The following VAC14 variants were observed in gnomAD, a reference collection of about 807,000 sequenced individuals.
VAC14 encodes protein VAC14 homolog.
VAC14 carries 47 observed loss-of-function variants against 85.3 expected under a neutral mutation model. That is an observed-to-expected ratio of 0.55 (90% CI 0.44 to 0.70). The LOEUF is 0.70. Among genes scored for constraint, VAC14 ranks in the 30% least tolerant of loss-of-function variants. The pLI is 0.00. For missense variants in VAC14, 861 were observed against 1,004.3 expected, an observed-to-expected ratio of 0.86 and a Z score of 1.93; for synonymous variants, 447 against 430.5, an observed-to-expected ratio of 1.04 and a Z score of -0.47.
intron 14 of VAC14, among the ~76,000 whole-genome samples, chr16:70,709,278 C>A (rs1460569081): frequency 6.6e-6 from 1 of 152,148 alleles, no homozygotes; most frequent in African/African-American, 2.4e-5. Flanking sequence ...GCCCACCCAC[C>A]CCTTTGTCCC....
intron 14 of VAC14, chr16:70,716,674 T>G (rs1157838905): frequency 1.3e-5 from 2 of 152,202 alleles, no homozygotes; most frequent in Non-Finnish European, 2.9e-5. Context: ...GTCACATGTA[T>G]GGAGACAGGG....
At chr16:70,734,438 T>C (rs1247548453) in intron 13 of VAC14, among the ~76,000 whole-genome samples, 1 of 152,212 alleles carries the variant, frequency 6.6e-6, no homozygotes, top group Non-Finnish European at 1.5e-5. Context: ...CAGCCTCTTT[T>C]TATTAAAAAA....
chr16:70,726,625 G>C (rs1001383073), intron 14 of VAC14, among the ~76,000 whole-genome samples: 1 of 152,220 alleles, frequency 6.6e-6, no homozygotes, highest in Non-Finnish European at 1.5e-5. Flanking sequence ...ATTGGGGTTT[G>C]AGCCCCAAAT....
intron 18 of VAC14, chr16:70,690,784 C>T: frequency 3.0e-6 from 3 of 985,576 alleles, no homozygotes; most frequent in South Asian, 9.4e-5. Flanking sequence ...GACCCCTCCC[C>T]CAGCTGTTCT....
At chr16:70,785,613 T>A (rs777887255) in intron 3 of VAC14, 89 bp downstream of exon 3, 16 of 1,437,326 alleles carry the variant, frequency 1.1e-5, no homozygotes, top group Non-Finnish European at 1.1e-5. Context: ...TCTGCTTGCA[T>A]CTGGGAAAAG....
In VAC14 at chr16:70,762,591, C is replaced by G. The variant is rs78503253; in HGVS notation, c.1320G>C (p.Thr440=). Residue 440 remains threonine (T), a synonymous_variant, in exon 12 of 19, where the codon ACG becomes ACC. Transcript: ENST00000261776. This position sits in a 1 kb window ranked among gnomAD's most constrained non-coding sequence, Gnocchi z 4.1. ...GCAGTAGGATGGGAAAGAGGCTGTC[C>G]GTGTGCCGGAACATCTGGAGGGCAG... ...IKTPRKMFRH[T]DSLFPILLQT... 3.4e-5 allele frequency: 55 copies of G among 1,613,914 alleles called. 1 individual carries two copies. In the Admixed American group the frequency reaches 9.0e-4, roughly 26 times the overall value.
At chr16:70,760,225 T>C (rs935792995) in intron 12 of VAC14, among the ~76,000 whole-genome samples, 2 of 152,162 alleles carry the variant, frequency 1.3e-5, no homozygotes, top group Non-Finnish European at 2.9e-5. Flanking sequence ...CAAGCTTTCA[T>C]AGTCTTGAAT....
chr16:70,727,840 G>A (rs555584187), intron 14 of VAC14, among the ~76,000 whole-genome samples: 269 of 152,354 alleles, frequency 1.8e-3, no homozygotes, highest in Middle Eastern at 3.4e-3. Context: ...CAGACTGGGT[G>A]GCTGGGCCTG....
chr16:70,690,222 C>T (rs1467810712), intron 18 of VAC14: 2 of 985,342 alleles, frequency 2.0e-6, no homozygotes, highest in African/African-American at 1.7e-5. Context: ...CAGACCCTTC[C>T]TGGCCTGAGA....
intron 12 of VAC14, among the ~76,000 whole-genome samples, chr16:70,752,039 T>C (rs893569225): frequency 6.6e-6 from 1 of 152,208 alleles, no homozygotes; most frequent in Non-Finnish European, 1.5e-5. Flanking sequence ...AAAACTGCCT[T>C]GATAGAAAAC....
chr16:70,754,597 C>T (rs539752225), intron 12 of VAC14, among the ~76,000 whole-genome samples: 1 of 152,252 alleles, frequency 6.6e-6, no homozygotes, highest in East Asian at 1.9e-4. Flanking sequence ...TGTCCCCTGC[C>T]CACGGCAGGG....
At chr16:70,785,156 T>TA (rs1388054805) in intron 3 of VAC14, among the ~76,000 whole-genome samples, 1 of 152,214 alleles carries the variant, frequency 6.6e-6, no homozygotes, top group African/African-American at 2.4e-5. Flanking sequence ...TTTCCAATCT[T>TA]AAAGCGCTGG....
At position 70,742,897 on chromosome 16, in the gene VAC14, G is replaced by C. The variant is rs191446371; in HGVS notation, c.1528+1526C>G. Among the ~76,000 whole-genome samples the C allele has an allele frequency of 1.2e-3, 182 of 152,372 alleles. 4 individuals are homozygous for C. The highest frequency in any genetic ancestry group is 6.8e-3 in the Middle Eastern group (2 of 294). ...GACTTCCTCGGTCTAGTGGGGACTT[G>C]GAGAACTTTTCTGTCTAGCTAGAGG... On this transcript the variant is annotated intron_variant, in intron 13 of 18. Transcript: ENST00000261776.
intron 9 of VAC14, among the ~76,000 whole-genome samples, chr16:70,777,736 G>A (rs977587341): frequency 2.6e-5 from 4 of 152,214 alleles, no homozygotes; most frequent in Admixed American, 2.0e-4. Context: ...CACACACAAA[G>A]GTTCTTGCCC....
At chr16:70,738,883 G>A (rs555472301) in intron 13 of VAC14, among the ~76,000 whole-genome samples, 6 of 152,318 alleles carry the variant, frequency 3.9e-5, no homozygotes, top group South Asian at 2.1e-4. Context: ...AGGAGCCTCC[G>A]CATGCACTTC....
At chr16:70,731,305 C>CT (rs2054582656) in intron 14 of VAC14, 190 bp downstream of exon 14, 18 of 1,430,544 alleles carry the variant, frequency 1.3e-5, no homozygotes, top group Non-Finnish European at 1.5e-5. Flanking sequence ...ACTGACCTGT[C>CT]TGTTTCATGT....
chr16:70,798,141 C>A (rs2034624475), intron 1 of VAC14, among the ~76,000 whole-genome samples: 1 of 152,190 alleles, frequency 6.6e-6, no homozygotes, highest in South Asian at 2.1e-4. Flanking sequence ...TGCTCAGGGT[C>A]ACCTAGCCAG....
At chr16:70,726,506 C>A (rs993047854) in intron 14 of VAC14, among the ~76,000 whole-genome samples, 1 of 152,234 alleles carries the variant, frequency 6.6e-6, no homozygotes, top group East Asian at 1.9e-4. Flanking sequence ...GAGACATGCG[C>A]CATTTATATA....
At chr16:70,779,064 G>C (rs960128400) in intron 9 of VAC14, 1 of 152,196 alleles carries the variant, frequency 6.6e-6, no homozygotes, top group Non-Finnish European at 1.5e-5. Context: ...TCGAACCCGG[G>C]CCTCCCGCGT....
Sources: allele counts gnomAD v4.1 joint callset (sites outside exome capture counted in the v4.1 genomes callset), GRCh38; gene constraint gnomAD v4.1.1; non-coding constraint Gnocchi (gnomAD v3.1); transcripts MANE v1.5; gene names NCBI Gene and HGNC (gene_info 2026-07-23, HGNC 2026-07-21).